The following KHDRBS2 variants were observed in gnomAD, a reference collection of about 807,000 sequenced individuals.
KHDRBS2 encodes the protein KH domain-containing, RNA-binding, signal transduction-associated protein 2.
In KHDRBS2, 26 loss-of-function variants were observed where a neutral mutation model predicts 44.3. The observed-to-expected ratio is 0.59, with a 90% CI of 0.43 to 0.81. The LOEUF (loss-of-function observed/expected upper bound fraction) is 0.81. KHDRBS2 is among the 40% of genes least tolerant of loss of function. KHDRBS2 has a pLI of 0.00. For synonymous variants in KHDRBS2, 194 were observed against 151.1 expected (o/e 1.28, Z -2.08); for missense variants, 476 against 433.1 (o/e 1.10, Z -0.88).
At chr6:61,742,426 A>C (rs1189023766) in intron 6 of KHDRBS2, among the ~76,000 whole-genome samples, 1 of 152,044 alleles carries the variant, frequency 6.6e-6, no homozygotes, top group African/African-American at 2.4e-5. Context: ...TTTCTTTAGG[A>C]TATAAATTAT....
intron 1 of KHDRBS2, among the ~76,000 whole-genome samples, chr6:62,278,102 T>C (rs906964283): frequency 6.6e-6 from 1 of 152,228 alleles, no homozygotes; most frequent in Non-Finnish European, 1.5e-5. Flanking sequence ...TGGGGAATAG[T>C]ACCAAATTTT....
At chr6:61,587,509 A>G in the KHDRBS2 span, among the ~76,000 whole-genome samples, 1 of 152,106 alleles carries the variant, frequency 6.6e-6, no homozygotes, top group South Asian at 2.1e-4. Flanking sequence ...TGGTATTTCA[A>G]TAGAAAACCT....
chr6:61,585,258 G>GT, the KHDRBS2 span, among the ~76,000 whole-genome samples: 12 of 151,824 alleles, frequency 7.9e-5, no homozygotes, highest in East Asian at 1.9e-4. Context: ...CAGAGCTGTG[G>GT]TTTTTAAAAA....
At chr6:62,034,296 A>T (rs146728272) in intron 3 of KHDRBS2, among the ~76,000 whole-genome samples, 24 of 152,060 alleles carry the variant, frequency 1.6e-4, no homozygotes, top group Non-Finnish European at 2.9e-4. Flanking sequence ...CAACAAACAG[A>T]GGAGAAACGA....
chr6:61,744,705 C>A (rs1776624482), intron 6 of KHDRBS2, among the ~76,000 whole-genome samples: 1 of 152,054 alleles, frequency 6.6e-6, no homozygotes, highest in South Asian at 2.1e-4. Context: ...TCAGCTTTAT[C>A]CTTTTTATCC....
chr6:61,872,327 T>A (rs1430432303), intron 6 of KHDRBS2, among the ~76,000 whole-genome samples: 1 of 152,088 alleles, frequency 6.6e-6, no homozygotes, highest in African/African-American at 2.4e-5. Flanking sequence ...GAATCCAAAT[T>A]TGTAAGCCTA....
At chr6:61,946,915 C>T (rs903801331) in intron 4 of KHDRBS2, among the ~76,000 whole-genome samples, 1 of 152,164 alleles carries the variant, frequency 6.6e-6, no homozygotes, top group East Asian at 1.9e-4. Context: ...GAAATAAGGG[C>T]GTACAAGATT....
chr6:61,856,825 C>G (rs1796227214), intron 6 of KHDRBS2, among the ~76,000 whole-genome samples: 1 of 151,994 alleles, frequency 6.6e-6, no homozygotes, highest in Non-Finnish European at 1.5e-5. Flanking sequence ...AGGCATATCC[C>G]TCGGATTGCT....
chr6:61,758,065 C>T (rs548979066), intron 6 of KHDRBS2, among the ~76,000 whole-genome samples: 1 of 152,138 alleles, frequency 6.6e-6, no homozygotes, highest in African/African-American at 2.4e-5. Context: ...TTTTAGCTGC[C>T]TTGGTTTCCT....
At chr6:61,789,581 G>T (rs769273908) in intron 6 of KHDRBS2, among the ~76,000 whole-genome samples, 5 of 151,432 alleles carry the variant, frequency 3.3e-5, no homozygotes, top group Non-Finnish European at 7.4e-5. Context: ...ATAAATTGGA[G>T]ACCTTGTAAG....
At chr6:61,557,390 G>T in the KHDRBS2 span, among the ~76,000 whole-genome samples, 26 of 152,146 alleles carry the variant, frequency 1.7e-4, no homozygotes, top group East Asian at 3.1e-3. Flanking sequence ...AATATATATA[G>T]AGAGTGTCTC....
intron 6 of KHDRBS2, among the ~76,000 whole-genome samples, chr6:61,735,703 T>C (rs1775216295): frequency 6.6e-6 from 1 of 152,154 alleles, no homozygotes; most frequent in African/African-American, 2.4e-5. Flanking sequence ...ATTTAATATT[T>C]TTGAAAGAAT....
chr6:62,127,410 G>A (rs1376783579), intron 2 of KHDRBS2, among the ~76,000 whole-genome samples: 2 of 151,958 alleles, frequency 1.3e-5, no homozygotes, highest in African/African-American at 2.4e-5. Flanking sequence ...AAGCACTTGC[G>A]AGGCAAATGA....
chr6:61,586,443 A>G, the KHDRBS2 span, among the ~76,000 whole-genome samples: 1 of 152,222 alleles, frequency 6.6e-6, no homozygotes, highest in Non-Finnish European at 1.5e-5. Context: ...CACTTTCTCT[A>G]AGGAAACTCC....
chr6:62,100,468 C>A (rs1801607859), intron 2 of KHDRBS2, among the ~76,000 whole-genome samples: 2 of 152,180 alleles, frequency 1.3e-5, no homozygotes, highest in African/African-American at 4.8e-5. Flanking sequence ...AAAATGCTAT[C>A]AAACAGCATC....
intron 1 of KHDRBS2, among the ~76,000 whole-genome samples, chr6:62,262,657 G>A (rs1252529272): frequency 2.0e-5 from 3 of 151,476 alleles, no homozygotes; most frequent in Non-Finnish European, 4.4e-5. Context: ...TTTTTTTGGG[G>A]GGTTAGTGGA....
intron 4 of KHDRBS2, among the ~76,000 whole-genome samples, chr6:61,974,286 T>C (rs1772035013): frequency 6.6e-6 from 1 of 151,980 alleles, no homozygotes; most frequent in African/African-American, 2.4e-5. Context: ...CCCCCTAGAG[T>C]TGCACAAGAC....
At chr6:61,919,714 C>A (rs1467774870) in intron 4 of KHDRBS2, among the ~76,000 whole-genome samples, 1 of 151,502 alleles carries the variant, frequency 6.6e-6, no homozygotes, top group African/African-American at 2.4e-5. Context: ...CTTAAAAAAA[C>A]CTGAAGAACA....
intron 1 of KHDRBS2, among the ~76,000 whole-genome samples, chr6:62,254,273 T>C (rs936377806): frequency 9.9e-5 from 15 of 152,084 alleles, no homozygotes; most frequent in African/African-American, 3.6e-4. Flanking sequence ...TTTGTAACCT[T>C]GCTAAACTGT....
Sources: gnomAD v4.1 joint callset for allele counts (sites outside exome capture counted in the v4.1 genomes callset) on GRCh38, gnomAD v4.1.1 for gene constraint, MANE v1.5 for transcripts, NCBI Gene and HGNC (gene_info 2026-07-23, HGNC 2026-07-21) for gene names.